The following NAP1L1 variants were observed in gnomAD, a reference collection of about 807,000 sequenced individuals.
The protein encoded by NAP1L1 is nucleosome assembly protein 1 like 1, also known as nucleosome assembly protein 1-like 1.
A neutral mutation model predicts 58.9 loss-of-function variants in NAP1L1; 9 were observed. That is an observed-to-expected ratio of 0.15 (90% CI 0.09 to 0.27). NAP1L1 has a LOEUF of 0.27. Among genes scored for constraint, NAP1L1 ranks in the 10% least tolerant of loss-of-function variants. NAP1L1 has a pLI of 1.00. For synonymous variants in NAP1L1, 130 were observed against 138.3 expected (o/e 0.94, Z 0.42); for missense variants, 302 against 458.8 (o/e 0.66, Z 3.12).
Position 76,046,489 on chromosome 12 carries a change from A to T in NAP1L1, c.*1940T>A, listed in dbSNP as rs1948610525. 7.0e-6 allele frequency: 1 copy of T among 143,680 alleles called. No individual in the cohort carries two copies. The highest frequency in any genetic ancestry group is 2.1e-4 in the South Asian group (1 of 4,658). 8.9% of individuals were successfully genotyped at this position (143,680 alleles called of 1,614,324 possible). On this transcript the variant is annotated 3_prime_UTR_variant, in exon 15 of 15. Transcript: ENST00000618691. ...AGCTGCATTTCGATGAACTATGGTT[A>T]AAAAAAAAAAGCACATAGTGTCTAA...
intron 6 of NAP1L1, among the ~76,000 whole-genome samples, chr12:76,058,842 A>C (rs1287196786): frequency 6.6e-6 from 1 of 152,100 alleles, no homozygotes; most frequent in Non-Finnish European, 1.5e-5. Flanking sequence ...CTCTGATGTG[A>C]TAGTTTTGAG....
intron 4 of NAP1L1, chr12:76,060,887 A>C (rs899345146): frequency 2.1e-5 from 5 of 238,636 alleles, no homozygotes; most frequent in Non-Finnish European, 4.3e-5. Context: ...TAGCCCAAAA[A>C]CTCAAGACCA....
In NAP1L1 at chr12:76,053,355, C is replaced by T. The variant is rs1294069582; in HGVS notation, c.771-5G>A. The T allele has an allele frequency of 1.2e-6, 2 of 1,604,470 alleles. No individual in the cohort carries two copies. Among genetic ancestry groups the T allele is most frequent in the Non-Finnish European group, 1.7e-6 (2 of 1,177,322 alleles). Reference sequence around the variant, plus strand: ...TTTTTCCAATCTATCTGGCACCTTGCAAAACAAAGAAGAAAAATCTATTAC... The same window carrying T: ...TTTTTCCAATCTATCTGGCACCTTGTAAAACAAAGAAGAAAAATCTATTAC... On this transcript the variant is annotated splice_region_variant and splice_polypyrimidine_tract_variant and intron_variant, in intron 9 of 14. Coordinates refer to ENST00000618691, the MANE Select transcript of NAP1L1 (RefSeq NM_004537.7).
intron 5 of NAP1L1, 99 bp downstream of exon 5, chr12:76,060,039 C>T: frequency 7.5e-7 from 1 of 1,338,460 alleles, no homozygotes; most frequent in South Asian, 1.4e-5. Context: ...ATAACAATTT[C>T]AATGAGAGTT....
In NAP1L1 at chr12:76,039,137, C is replaced by T. The variant is rs530903781; in HGVS notation, c.*9292G>A. Reference sequence around the variant, plus strand: ...AATCCTTTTCTAAATCAACTTATTTCGACATATGTGGCCAATGTGGCTGTC... The same window carrying T: ...AATCCTTTTCTAAATCAACTTATTTTGACATATGTGGCCAATGTGGCTGTC... On this transcript the variant is annotated 3_prime_UTR_variant, in exon 15 of 15. Coordinates refer to ENST00000618691, the MANE Select transcript of NAP1L1 (RefSeq NM_004537.7). 2.0e-5 allele frequency: 3 copies of T among 152,288 alleles called. No homozygotes were observed. Among genetic ancestry groups the T allele is most frequent in the South Asian group, 2.1e-4 (1 of 4,826 alleles). 9.4% of individuals were successfully genotyped at this position (152,288 alleles called of 1,614,324 possible).
chr12:76,057,766 G>A (rs761572544), intron 6 of NAP1L1: 1 of 1,550,744 alleles, frequency 6.4e-7, no homozygotes, highest in South Asian at 1.2e-5. Flanking sequence ...ACCCAAACAA[G>A]AAGCTGGAAT....
chr12:76,049,303 G>A (rs1948714905), intron 13 of NAP1L1, 53 bp from the exon 14 acceptor site: 1 of 1,611,038 alleles, frequency 6.2e-7, no homozygotes, highest in Non-Finnish European at 8.5e-7. Flanking sequence ...TAGGTAAACT[G>A]GCTCATAATG....
intron 7 of NAP1L1, 130 bp downstream of exon 7, chr12:76,055,903 G>T: frequency 2.2e-6 from 2 of 927,504 alleles, no homozygotes; most frequent in Non-Finnish European, 3.4e-6. Flanking sequence ...CTCTTCTACA[G>T]ATATTAGCTA....
intron 14 of NAP1L1, 30 bp downstream of exon 14, chr12:76,049,170 T>G: frequency 1.3e-6 from 2 of 1,586,874 alleles, no homozygotes; most frequent in Non-Finnish European, 8.7e-7. Flanking sequence ...TATCTTAAAT[T>G]TAATAGAAAG....
chr12:76,068,511 C>G (rs1402234677), intron 3 of NAP1L1: 2 of 153,666 alleles, frequency 1.3e-5, no homozygotes, highest in African/African-American at 4.8e-5. Flanking sequence ...AATGGCTCTT[C>G]TGCTTGAAGG....
At chr12:76,079,684 ATTTT>A (rs202002589) in intron 1 of NAP1L1, among the ~76,000 whole-genome samples, 1 of 140,682 alleles carries the variant, frequency 7.1e-6, no homozygotes, top group Non-Finnish European at 1.5e-5. Context: ...GCTTGAAGGC[ATTTT>A]TTTTTTTTTT....
intron 14 of NAP1L1, chr12:76,048,878 C>A: frequency 2.3e-6 from 1 of 427,052 alleles, no homozygotes; most frequent in Non-Finnish European, 4.1e-6. Flanking sequence ...AACACTCCTA[C>A]AACCAGATCT....
intron 3 of NAP1L1, 174 bp downstream of exon 3, chr12:76,068,735 T>TACACACAC (rs35120003): frequency 0.087 from 25,408 of 293,298 alleles, 1,014 homozygotes; most frequent in East Asian, 0.13. Flanking sequence ...ACCCGCCCCT[T>TACACACAC]ACACACACAC....
chr12:76,051,488 C>T (rs1948826260), intron 11 of NAP1L1, among the ~76,000 whole-genome samples: 1 of 152,146 alleles, frequency 6.6e-6, no homozygotes, highest in African/African-American at 2.4e-5. Context: ...GTCTACTAAT[C>T]CCAAATGAGA....
At chr12:76,053,685 A>G in intron 9 of NAP1L1, 85 bp downstream of exon 9, 1 of 1,459,926 alleles carries the variant, frequency 6.8e-7, no homozygotes, top group Non-Finnish European at 9.3e-7. Context: ...CTATGTACAT[A>G]TGTAACTGAA....
rs994920236 is a variant in NAP1L1 at position 76,060,147 on chromosome 12, T to C, written c.339A>G (p.Leu113=). The C allele has an allele frequency of 8.1e-6, 13 of 1,611,930 alleles. No individual in the cohort carries two copies. Among genetic ancestry groups the C allele is most frequent in the African/African-American group, 5.3e-5 (4 of 74,886 alleles). ...ERKYAVLYQP[L]FDKRFEIINA... is the part of the protein sequence containing the mutation. Reference sequence around the variant, plus strand: ...TAGGAGAAAGCATTACCTTATCAAATAGAGGCTGATAGAGAACAGCATACT... The same window carrying C: ...TAGGAGAAAGCATTACCTTATCAAACAGAGGCTGATAGAGAACAGCATACT... The change falls in exon 5 of 15, where the codon CTA becomes CTG. Residue 113 remains leucine, a synonymous_variant. Coordinates refer to ENST00000618691, the MANE Select transcript of NAP1L1 (RefSeq NM_004537.7).
chr12:76,068,091 C>CTTCT (rs1444620495), intron 3 of NAP1L1, among the ~76,000 whole-genome samples: 1 of 152,104 alleles, frequency 6.6e-6, no homozygotes, highest in Admixed American at 6.5e-5. Context: ...CAGTACTAAC[C>CTTCT]TTCTCTTCAT....
intron 4 of NAP1L1, among the ~76,000 whole-genome samples, chr12:76,061,985 T>C (rs1949438634): frequency 6.6e-6 from 1 of 150,818 alleles, no homozygotes; most frequent in Non-Finnish European, 1.5e-5. Flanking sequence ...AGACTGGAGG[T>C]TGTGTTTAAC....
chr12:76,041,666 G>A lies in NAP1L1; in HGVS notation c.*6763C>T, dbSNP rs1037982418. 1 of 152,102 alleles carries A rather than the reference G, an allele frequency of 6.6e-6. No individual in the cohort carries two copies. Among genetic ancestry groups the A allele is most frequent in the Non-Finnish European group, 1.5e-5 (1 of 68,014 alleles). 9.4% of individuals were successfully genotyped at this position (152,102 alleles called of 1,614,324 possible). On this transcript the variant is annotated 3_prime_UTR_variant, in exon 15 of 15. Coordinates refer to ENST00000618691, the MANE Select transcript of NAP1L1 (RefSeq NM_004537.7). ...GGAGGTTGAGGTGAGACAACCACTT[G>A]AGCCCAGGAGTTAGACACTAGTCCA... is the stretch of plus-strand genomic sequence containing the variant.
Sources: allele counts gnomAD v4.1 joint callset (sites outside exome capture counted in the v4.1 genomes callset), GRCh38; gene constraint gnomAD v4.1.1; transcripts MANE v1.5; gene names NCBI Gene and HGNC (gene_info 2026-07-23, HGNC 2026-07-21).